PLPPR5: variants seen among roughly 807,000 people sequenced by gnomAD.
The protein encoded by PLPPR5 is phospholipid phosphatase related 5, also known as phospholipid phosphatase-related protein type 5.
PLPPR5 carries 16 observed loss-of-function variants against 33.9 expected under a neutral mutation model. The ratio of observed to expected loss-of-function variants is 0.47; its 90% CI spans 0.32 to 0.72. The LOEUF is 0.72. Ranked by LOEUF, PLPPR5 falls within the 30% of genes least tolerant of loss-of-function variation. The pLI is 0.03. For synonymous variants in PLPPR5, 163 were observed against 150.3 expected (o/e 1.08, Z -0.62); for missense variants, 301 against 406.7 (o/e 0.74, Z 2.23).
At chr1:98,907,409 C>A (rs1648948218) in intron 5 of PLPPR5, among the ~76,000 whole-genome samples, 1 of 151,840 alleles carries the variant, frequency 6.6e-6, no homozygotes, top group South Asian at 2.1e-4. Flanking sequence ...GTCATGTCGG[C>A]CCTCGAACTC....
At chr1:98,898,687 A>G (rs1163570601) in intron 5 of PLPPR5, among the ~76,000 whole-genome samples, 1 of 152,158 alleles carries the variant, frequency 6.6e-6, no homozygotes, top group East Asian at 1.9e-4. Context: ...TGTTTTAAGA[A>G]GTTGGAGACA....
At chr1:98,950,429 A>G (rs1237647546) in intron 3 of PLPPR5, among the ~76,000 whole-genome samples, 1 of 152,220 alleles carries the variant, frequency 6.6e-6, no homozygotes, top group Non-Finnish European at 1.5e-5. Context: ...CCCAATTTTT[A>G]TTATAGAACA....
intron 1 of PLPPR5, among the ~76,000 whole-genome samples, chr1:98,992,995 T>A (rs1407605221): frequency 1.3e-5 from 2 of 152,124 alleles, no homozygotes; most frequent in Non-Finnish European, 2.9e-5. Flanking sequence ...TGTGCCTCAG[T>A]GTCCTCATCT....
intron 3 of PLPPR5, among the ~76,000 whole-genome samples, chr1:98,930,986 T>C (rs1037012290): frequency 3.9e-5 from 6 of 152,088 alleles, no homozygotes. Context: ...GATTCTACCA[T>C]TCACAACAAA....
chr1:98,940,281 T>C (rs1650324556), intron 3 of PLPPR5, among the ~76,000 whole-genome samples: 1 of 151,828 alleles, frequency 6.6e-6, no homozygotes, highest in South Asian at 2.1e-4. Flanking sequence ...TGCTGTGTCC[T>C]CACATGGTGG....
At chr1:99,003,149 G>A (rs1652934017) in intron 1 of PLPPR5, among the ~76,000 whole-genome samples, 1 of 146,224 alleles carries the variant, frequency 6.8e-6, no homozygotes, top group Non-Finnish European at 1.5e-5. Context: ...TTATGACAGA[G>A]GCAATTTGAA....
chr1:98,893,114 G>T lies in PLPPR5; in HGVS notation c.934-10C>A, dbSNP rs1553165308. 2 of 1,609,926 alleles carry T rather than the reference G, an allele frequency of 1.2e-6. No homozygotes were observed. The highest frequency in any genetic ancestry group is 1.7e-6 in the Non-Finnish European group (2 of 1,177,726). On this transcript the variant is annotated splice_polypyrimidine_tract_variant and intron_variant, in intron 5 of 5. Coordinates refer to ENST00000263177, the MANE Select transcript of PLPPR5 (RefSeq NM_001037317.2). Reference sequence around the variant, plus strand: ...AGGCAGTGATGTGGTTCTGCAAAAAGAAAAAGGAATGACAAAGTGAGAGGC... The same window carrying T: ...AGGCAGTGATGTGGTTCTGCAAAAATAAAAAGGAATGACAAAGTGAGAGGC...
intron 3 of PLPPR5, among the ~76,000 whole-genome samples, chr1:98,937,626 G>T (rs146188974): frequency 6.6e-6 from 1 of 152,164 alleles, no homozygotes; most frequent in Non-Finnish European, 1.5e-5. Context: ...GCAGTAAGGT[G>T]AATGAACAAT....
At chr1:98,945,295 C>T (rs1001978510) in intron 3 of PLPPR5, among the ~76,000 whole-genome samples, 1 of 152,182 alleles carries the variant, frequency 6.6e-6, no homozygotes, top group African/African-American at 2.4e-5. Context: ...AGTGCTTGAG[C>T]TACCTGGTCA....
chr1:98,917,407 T>A (rs1649397667), intron 4 of PLPPR5, among the ~76,000 whole-genome samples: 1 of 152,200 alleles, frequency 6.6e-6, no homozygotes, highest in Non-Finnish European at 1.5e-5. Flanking sequence ...TCTTGGCCCC[T>A]CTATTTCCAC....
At chr1:98,907,818 A>G (rs1413651336) in intron 5 of PLPPR5, among the ~76,000 whole-genome samples, 1 of 152,174 alleles carries the variant, frequency 6.6e-6, no homozygotes, top group Non-Finnish European at 1.5e-5. Flanking sequence ...GTTTCTATAC[A>G]ATTTTTTGTT....
chr1:98,952,756 T>A (rs1650837537), intron 3 of PLPPR5, among the ~76,000 whole-genome samples: 1 of 152,154 alleles, frequency 6.6e-6, no homozygotes, highest in Non-Finnish European at 1.5e-5. Flanking sequence ...CTATTACAAG[T>A]TCATGGGGAA....
rs763477562 is a variant in PLPPR5, at chr1:98,920,593, C to CAAAAAAAAA, written c.798+1280_798+1288dup. Among the ~76,000 whole-genome samples the CAAAAAAAAA allele has an allele frequency of 4.5e-4, 31 of 69,010 alleles. 9 individuals are homozygous for CAAAAAAAAA. Among genetic ancestry groups the CAAAAAAAAA allele is most frequent in the Non-Finnish European group, 6.2e-4 (21 of 33,848 alleles). The allele number at this position is 69,010 out of a possible 152,430, so 45.3% of individuals were successfully genotyped here. ...TGGGAATCACAGAGAGTGGTATCAC[C>CAAAAAAAAA]AAAAAAAAAAAAAAAAGCAGCACAG... is the stretch of plus-strand genomic sequence containing the variant. On this transcript the variant is annotated intron_variant, in intron 4 of 5. Coordinates refer to ENST00000263177, the MANE Select transcript of PLPPR5 (RefSeq NM_001037317.2).
intron 1 of PLPPR5, among the ~76,000 whole-genome samples, chr1:98,969,623 T>G (rs2149737): frequency 0.19 from 28,299 of 151,914 alleles, 2,703 homozygotes; most frequent in East Asian, 0.26. Flanking sequence ...CTTCCTTAGA[T>G]TGTCTCTGAC....
intron 1 of PLPPR5, among the ~76,000 whole-genome samples, chr1:98,981,420 G>T (rs947681415): frequency 1.3e-5 from 2 of 151,972 alleles, no homozygotes; most frequent in African/African-American, 4.8e-5. Flanking sequence ...AAACAACTTT[G>T]CATGCTGTTT....
At position 98,963,640 on chromosome 1, in the gene PLPPR5, C is replaced by A. The variant is rs377115012; in HGVS notation, c.238-6899G>T. On this transcript the variant is annotated intron_variant, in intron 1 of 5. Transcript: ENST00000263177. The stretch of plus-strand genomic sequence containing the variant: ...CAGCCTCTGCCTGGGAACTTGTGAG[C>A]CTCTCCTCCAGCTTTTCCAAGTTAA... 6.8e-4 allele frequency among the ~76,000 whole-genome samples: 104 copies of A among 152,186 alleles called. 1 individual carries two copies. The South Asian group carries it at 0.022, about 32-fold the overall frequency.
At chr1:99,000,996 A>T (rs1652818733) in intron 1 of PLPPR5, among the ~76,000 whole-genome samples, 1 of 152,158 alleles carries the variant, frequency 6.6e-6, no homozygotes, top group Non-Finnish European at 1.5e-5. Flanking sequence ...ACTCTTATGG[A>T]GTATCAACTA....
chr1:98,901,127 A>C (rs978434179), intron 5 of PLPPR5, among the ~76,000 whole-genome samples: 1 of 152,136 alleles, frequency 6.6e-6, no homozygotes, highest in Non-Finnish European at 1.5e-5. Flanking sequence ...GCATCCATAC[A>C]ACAGGATACT....
chr1:98,988,034 AG>A (rs1193848761), intron 1 of PLPPR5, among the ~76,000 whole-genome samples: 1 of 152,076 alleles, frequency 6.6e-6, no homozygotes, highest in Non-Finnish European at 1.5e-5. Flanking sequence ...AAGTGCAGTA[AG>A]AGTATGTTCT....
Sources: allele counts gnomAD v4.1 joint callset (sites outside exome capture counted in the v4.1 genomes callset), GRCh38; gene constraint gnomAD v4.1.1; transcripts MANE v1.5; gene names NCBI Gene and HGNC (gene_info 2026-07-23, HGNC 2026-07-21).